TTC38: variants seen among roughly 807,000 people sequenced by gnomAD.
TTC38 encodes tetratricopeptide repeat domain 38.
In TTC38, 64 loss-of-function variants were observed where a neutral mutation model predicts 64.2. The observed-to-expected ratio is 1.00, with a 90% CI of 0.81 to 1.23. The LOEUF (loss-of-function observed/expected upper bound fraction) is 1.23, where lower values mean the gene tolerates loss of function less well. Among genes scored for constraint, TTC38 ranks in the 50% most tolerant of loss-of-function variants. TTC38 has a pLI of 0.00. For synonymous variants in TTC38, 254 were observed against 249.3 expected, an observed-to-expected ratio of 1.02 and a Z score of -0.18; for missense variants, 573 against 615.5, an observed-to-expected ratio of 0.93 and a Z score of 0.73.
chr22:46,287,911 C>T (rs2077583076), intron 10 of TTC38, among the ~76,000 whole-genome samples: 1 of 152,206 alleles, frequency 6.6e-6, no homozygotes, highest in African/African-American at 2.4e-5. Flanking sequence ...GCTACCGGGA[C>T]ATAGAAGCCA....
intron 5 of TTC38, among the ~76,000 whole-genome samples, 187 bp from the exon 6 acceptor site, chr22:46,278,399 C>T (rs370141720): frequency 6.6e-6 from 1 of 152,172 alleles, no homozygotes; most frequent in Non-Finnish European, 1.5e-5. Context: ...CCAGTCATTG[C>T]GTTAGGGCCC....
chr22:46,268,623 C>G, intron 2 of TTC38, 32 bp downstream of exon 2: 1 of 1,601,788 alleles, frequency 6.2e-7, no homozygotes, highest in Admixed American at 1.7e-5. Context: ...GCGGCCCCTT[C>G]TGTGGAGGTC....
At chr22:46,283,137 C>T (rs1419011999) in intron 7 of TTC38, among the ~76,000 whole-genome samples, 1 of 152,042 alleles carries the variant, frequency 6.6e-6, no homozygotes, top group African/African-American at 2.4e-5. Context: ...GGTCTCTTCC[C>T]TATGTTGCCC....
chr22:46,284,709 T>A (rs1281799247), intron 8 of TTC38, among the ~76,000 whole-genome samples: 2 of 151,682 alleles, frequency 1.3e-5, no homozygotes, highest in African/African-American at 4.8e-5. Context: ...TAAAACCCCA[T>A]CTCTACTAAA....
At chr22:46,288,216 CG>C (rs2147800851) in intron 10 of TTC38, among the ~76,000 whole-genome samples, 1 of 152,308 alleles carries the variant, frequency 6.6e-6, no homozygotes, top group Admixed American at 6.5e-5. Context: ...TTCCTACTTA[CG>C]CGTCTATGGC....
intron 5 of TTC38, among the ~76,000 whole-genome samples, chr22:46,277,698 AG>A (rs2077503420): frequency 6.6e-6 from 1 of 150,690 alleles, no homozygotes; most frequent in African/African-American, 2.4e-5. Context: ...GCCTGGGCTG[AG>A]GCTGAGTTGG....
At chr22:46,285,194 C>T (rs1601880999) in intron 8 of TTC38, 47 bp from the exon 9 acceptor site, 1 of 1,586,332 alleles carries the variant, frequency 6.3e-7, no homozygotes, top group South Asian at 1.1e-5. Context: ...GCCAGCATTA[C>T]ACTTTGCCTT....
Position 46,270,615 on chromosome 22 carries a change from C to A in TTC38, c.112-1720C>A, listed in dbSNP as rs890324590. Reference sequence around the variant, plus strand: ...TGGGAGGCTGAGGCAGGTGGATCATCTGAGGTCAGGAGTTCAACACCAGCC... The same window carrying A: ...TGGGAGGCTGAGGCAGGTGGATCATATGAGGTCAGGAGTTCAACACCAGCC... On this transcript the variant is annotated intron_variant, in intron 2 of 13. Coordinates refer to ENST00000381031, the MANE Select transcript of TTC38 (RefSeq NM_017931.4). The surrounding 1 kb of genome is among the most constrained non-coding windows in gnomAD (Gnocchi z 4.7). 2.0e-5 allele frequency among the ~76,000 whole-genome samples: 3 copies of A among 152,082 alleles called. No homozygotes were observed. The highest frequency in any genetic ancestry group is 7.2e-5 in the African/African-American group (3 of 41,414).
At position 46,268,559 on chromosome 22, in the gene TTC38, G is replaced by T. The variant is rs370142203; in HGVS notation, c.79G>T (p.Ala27Ser). The change falls in exon 2 of 14, where the codon GCC becomes TCC. Residue 27 changes from alanine to serine, a missense_variant. Around this residue, in one of 3 missense-constraint regions of TTC38, gnomAD observed 134 missense variants for 126.5 expected, o/e 1.06. Transcript: ENST00000381031. The part of the protein sequence containing the change: ...RLPLSTTSNE[A>S]CKLFDATLTQ... ...CCCGCTCTCCACCACAAGCAACGAA[G>T]CCTGCAAGCTGTTCGATGCCACGCT... is the stretch of plus-strand genomic sequence containing the variant. 35 of 1,613,958 alleles carry T rather than the reference G, an allele frequency of 2.2e-5. No homozygotes were observed. In the African/African-American group the frequency reaches 3.3e-4, roughly 15 times the overall value.
rs1404517260 is a variant in TTC38 at position 46,273,220 on chromosome 22, C to A, written c.194-678C>A. ...GCCCTGATCAGGGGGCTTCGACCACCTGAATCATCAGCTGGGCTGGGCTGG... is the reference window on the plus strand; with the variant it reads ...GCCCTGATCAGGGGGCTTCGACCACATGAATCATCAGCTGGGCTGGGCTGG... On this transcript the variant is annotated intron_variant, in intron 3 of 13. Coordinates refer to ENST00000381031, the MANE Select transcript of TTC38 (RefSeq NM_017931.4). The surrounding 1 kb of genome is among the most constrained non-coding windows in gnomAD (Gnocchi z 5.1). 6.6e-6 allele frequency among the ~76,000 whole-genome samples: 1 copy of A among 152,214 alleles called. No homozygotes were observed. Among genetic ancestry groups the A allele is most frequent in the Non-Finnish European group, 1.5e-5 (1 of 68,034 alleles).
At chr22:46,287,484 T>C (rs1034107209) in intron 10 of TTC38, among the ~76,000 whole-genome samples, 19 of 152,254 alleles carry the variant, frequency 1.2e-4, no homozygotes, top group African/African-American at 4.6e-4. Context: ...TGGTAGCACC[T>C]GGCCACCTGT....
At chr22:46,286,014 C>CAAAAAAAAAAAAAAA (rs573736869) in intron 9 of TTC38, among the ~76,000 whole-genome samples, 1 of 73,986 alleles carries the variant, frequency 1.4e-5, no homozygotes, top group Non-Finnish European at 2.6e-5. Context: ...GACTCTGTCT[C>CAAAAAAAAAAAAAAA]AAAAAAAAAA....
chr22:46,269,093 C>A (rs985410255), intron 2 of TTC38: 7 of 419,096 alleles, frequency 1.7e-5, no homozygotes, highest in East Asian at 8.1e-5. Flanking sequence ...TCTCTGCCCC[C>A]CCCCCACAGC....
chr22:46,282,452 A>G lies in TTC38; in HGVS notation c.735+734A>G, dbSNP rs529859586. 2.5e-4 allele frequency among the ~76,000 whole-genome samples: 38 copies of G among 152,286 alleles called. No individual in the cohort carries two copies. In the South Asian group the frequency reaches 7.0e-3, roughly 28 times the overall value. ...AGACGGGGCTGCATCAGGTGAGCCT[A>G]TTGGGCTCAAGGGAGATGGGGCCTC... On this transcript the variant is annotated intron_variant, in intron 7 of 13. Coordinates refer to ENST00000381031, the MANE Select transcript of TTC38 (RefSeq NM_017931.4). The surrounding 1 kb of genome is among the most constrained non-coding windows in gnomAD (Gnocchi z 4.4).
intron 13 of TTC38, among the ~76,000 whole-genome samples, chr22:46,290,980 C>T (rs1301629520): frequency 2.6e-5 from 4 of 152,144 alleles, no homozygotes; most frequent in Admixed American, 1.3e-4. Context: ...GGTGGCAGCC[C>T]GGGTCCACAG....
At chr22:46,269,096 C>CG (rs762415664) in intron 2 of TTC38, 4 of 416,430 alleles carry the variant, frequency 9.6e-6, no homozygotes, top group African/African-American at 4.9e-5. Flanking sequence ...CTGCCCCCCC[C>CG]CCACAGCGTC....
Position 46,268,513 on chromosome 22 carries a change from G to A in TTC38, c.34-1G>A. ...TGCTATTCCCTTCTTGCCGTCTGTA[G>A]GCCTGGAAGGATGCGAGGCTCCCGC... On this transcript the variant is annotated splice_acceptor_variant, in intron 1 of 13. Coordinates refer to ENST00000381031, the MANE Select transcript of TTC38 (RefSeq NM_017931.4). LOFTEE classifies it high-confidence loss of function. 6.2e-7 allele frequency: 1 copy of A among 1,614,080 alleles called. No individual in the cohort carries two copies. The highest frequency in any genetic ancestry group is 8.5e-7 in the Non-Finnish European group (1 of 1,180,014).
chr22:46,272,919 A>T lies in TTC38; in HGVS notation c.193+503A>T, dbSNP rs1277141663. On this transcript the variant is annotated intron_variant, in intron 3 of 13. Coordinates refer to ENST00000381031, the MANE Select transcript of TTC38 (RefSeq NM_017931.4). The surrounding 1 kb of genome is among the most constrained non-coding windows in gnomAD (Gnocchi z 6.4). ...CAGGCAAGCCATGTGTACAGCGGGC[A>T]TGGGGAAGCCAGCACAGTGCATTGC... 1.3e-5 allele frequency among the ~76,000 whole-genome samples: 2 copies of T among 152,188 alleles called. No homozygotes were observed. The highest frequency in any genetic ancestry group is 2.9e-5 in the Non-Finnish European group (2 of 68,034).
chr22:46,289,533 T>A lies in TTC38; in HGVS notation c.1214T>A (p.Ile405Asn). ...CTGCTCCTGCCCATCCGCTACCGGA[T>A]CGTCCAGCTCGGTGGGAGCAATGCC... Reference protein sequence around the residue: ...LELLLPIRYRIVQLGGSNAQR... With the variant: ...LELLLPIRYRNVQLGGSNAQR... The change falls in exon 12 of 14, where the codon ATC (isoleucine) becomes AAC (asparagine). Residue 405 changes from isoleucine (I) to asparagine (N), a missense_variant. Around this residue, in one of 3 missense-constraint regions of TTC38, gnomAD observed 371 missense variants for 381.8 expected, o/e 0.97. Transcript: ENST00000381031. The A allele has an allele frequency of 6.3e-7, 1 of 1,599,138 alleles. No individual in the cohort carries two copies. Among genetic ancestry groups the A allele is most frequent in the South Asian group, 1.1e-5 (1 of 89,630 alleles).
Sources: gnomAD v4.1 joint callset for allele counts (sites outside exome capture counted in the v4.1 genomes callset) on GRCh38, gnomAD v4.1.1 for gene constraint, gnomAD v4.1.1 regional missense constraint, Gnocchi (gnomAD v3.1) non-coding constraint, MANE v1.5 for transcripts, NCBI Gene and HGNC (gene_info 2026-07-23, HGNC 2026-07-21) for gene names.